The following SLC12A2 variants were observed in gnomAD, a reference collection of about 807,000 sequenced individuals.
The protein encoded by SLC12A2 is solute carrier family 12 member 2, also known as Na-K-2Cl cotransporter 1.
SLC12A2 carries 67 observed loss-of-function variants against 136.3 expected under a neutral mutation model. The ratio of observed to expected loss-of-function variants is 0.49; its 90% CI spans 0.40 to 0.60. The LOEUF (loss-of-function observed/expected upper bound fraction) is 0.60, where lower values mean the gene tolerates loss of function less well. Among genes scored for constraint, SLC12A2 ranks in the 20% least tolerant of loss-of-function variants. SLC12A2 has a pLI of 0.00. For missense variants in SLC12A2, 1,322 were observed against 1,534.7 expected, an observed-to-expected ratio of 0.86 and a Z score of 2.32; for synonymous variants, 619 against 562.9, an observed-to-expected ratio of 1.10 and a Z score of -1.41.
chr5:128,097,894 GT>G (rs948391685), intron 1 of SLC12A2, among the ~76,000 whole-genome samples: 1 of 151,344 alleles, frequency 6.6e-6, no homozygotes, highest in African/African-American at 2.4e-5. Flanking sequence ...AGTTCTCTTA[GT>G]TTTTTTTTAT....
Position 128,171,671 on chromosome 5 carries a change from G to A in SLC12A2, c.2728G>A (p.Ala910Thr), listed in dbSNP as rs1218482398. The A allele has an allele frequency of 1.9e-6, 3 of 1,561,154 alleles. No homozygotes were observed. The highest frequency in any genetic ancestry group is 2.6e-6 in the Non-Finnish European group (3 of 1,159,186). ...VDMYINLFHD[A>T]FDIQYGVVVI... ...TTTTTGTTTTTTTGTTCTTAGTGAT[G>A]CTTTTGACATACAATATGGAGTAGT... Residue 910 changes from alanine (A) to threonine (T), a missense_variant, in exon 19 of 27, where the codon GCT becomes ACT. Physicochemically the swap from Ala to Thr is moderately conservative, Grantham distance 58. Coordinates refer to ENST00000262461, the MANE Select transcript of SLC12A2 (RefSeq NM_001046.3).
At position 128,084,514 on chromosome 5, in the gene SLC12A2, C is replaced by T; in HGVS notation, c.560C>T (p.Ser187Phe). 5 of 1,607,642 alleles carry T rather than the reference C, an allele frequency of 3.1e-6. No individual in the cohort carries two copies. Among genetic ancestry groups the T allele is most frequent in the Non-Finnish European group, 4.2e-6 (5 of 1,178,034 alleles). Residue 187 changes from serine to phenylalanine, a missense_variant, in exon 1 of 27, where the codon TCC becomes TTC. Coordinates refer to ENST00000262461, the MANE Select transcript of SLC12A2 (RefSeq NM_001046.3). This position sits in a 1 kb window ranked among gnomAD's most constrained non-coding sequence, Gnocchi z 5.6. Reference sequence around the variant, plus strand: ...CTGAGCGAGGGCAGCAGCCTGCACTCCGGCGGCGGCGGCGGCAGTGGGCAC... The same window carrying T: ...CTGAGCGAGGGCAGCAGCCTGCACTTCGGCGGCGGCGGCGGCAGTGGGCAC... ...TVLSEGSSLH[S>F]GGGGGSGHHQ...
intron 1 of SLC12A2, among the ~76,000 whole-genome samples, chr5:128,093,903 CTCT>C (rs1488407347): frequency 2.0e-5 from 3 of 152,078 alleles, no homozygotes; most frequent in Admixed American, 2.0e-4. Context: ...TCTGGTTTGC[CTCT>C]TCTTCAGTGT....
intron 13 of SLC12A2, among the ~76,000 whole-genome samples, chr5:128,150,698 AT>A (rs1382619689): frequency 6.6e-6 from 1 of 151,790 alleles, no homozygotes; most frequent in Non-Finnish European, 1.5e-5. Flanking sequence ...GGTCTTCAAC[AT>A]TTTTTAAAGT....
chr5:128,128,191 T>C (rs1441476492), intron 4 of SLC12A2, among the ~76,000 whole-genome samples: 1 of 152,170 alleles, frequency 6.6e-6, no homozygotes, highest in East Asian at 1.9e-4. Context: ...GTTTTTGAAA[T>C]TGAGACACAC....
rs199544192 is a variant in SLC12A2 at position 128,132,635 on chromosome 5, G to GT, written c.1188+1431dup. On this transcript the variant is annotated intron_variant, in intron 5 of 26. Transcript: ENST00000262461. ...TCAAGTGACACCTATAATTGCTCAT[G>GT]TTAGGTTAGGTTGTAACTATTCTAC... Among the ~76,000 whole-genome samples the GT allele has an allele frequency of 7.9e-3, 1,202 of 152,244 alleles. 12 individuals are homozygous for GT. The highest frequency in any genetic ancestry group is 0.031 in the Admixed American group (479 of 15,294).
In SLC12A2 at chr5:128,084,427, A is replaced by G; in HGVS notation, c.473A>G (p.Asp158Gly). The change falls in exon 1 of 27, where the codon GAT (aspartate) becomes GGT (glycine). Residue 158 changes from aspartate (D) to glycine (G), a missense_variant. Physicochemically the swap from Asp to Gly is moderately conservative, Grantham distance 94. Around this residue, in one of 8 missense-constraint regions of SLC12A2, gnomAD observed 358 missense variants for 299.7 expected, o/e 1.19. Coordinates refer to ENST00000262461, the MANE Select transcript of SLC12A2 (RefSeq NM_001046.3). This position sits in a 1 kb window ranked among gnomAD's most constrained non-coding sequence, Gnocchi z 5.6. The stretch of plus-strand genomic sequence containing the variant: ...TCGTCGGCTGAAGACAGCCTGTCAG[A>G]TGCTGCCGGGGTCGGAGTCGACGGG... ...ASSSAEDSLS[D>G]AAGVGVDGPN... 8.7e-6 allele frequency: 14 copies of G among 1,612,346 alleles called. No individual in the cohort carries two copies. Among genetic ancestry groups the G allele is most frequent in the Non-Finnish European group, 1.2e-5 (14 of 1,179,396 alleles).
intron 21 of SLC12A2, among the ~76,000 whole-genome samples, chr5:128,177,967 G>A (rs1763585318): frequency 2.0e-5 from 3 of 152,138 alleles, no homozygotes; most frequent in African/African-American, 2.4e-5. Context: ...AGAGAAAGAT[G>A]TGGTTATATG....
chr5:128,101,597 C>A (rs1018312338), intron 1 of SLC12A2, among the ~76,000 whole-genome samples: 5 of 152,108 alleles, frequency 3.3e-5, no homozygotes, highest in African/African-American at 4.8e-5. Context: ...AAATAAAGAT[C>A]CCCACTCTGC....
At chr5:128,157,754 T>G (rs1413473439) in intron 15 of SLC12A2, among the ~76,000 whole-genome samples, 2 of 152,078 alleles carry the variant, frequency 1.3e-5, no homozygotes, top group East Asian at 3.8e-4. Context: ...AAATGAAAAA[T>G]TGTTATATAT....
intron 15 of SLC12A2, among the ~76,000 whole-genome samples, chr5:128,153,421 G>A (rs1400980284): frequency 6.6e-6 from 1 of 152,170 alleles, no homozygotes; most frequent in Admixed American, 6.5e-5. Context: ...CAGGCGTAGT[G>A]GCGCATGCCT....
intron 1 of SLC12A2, among the ~76,000 whole-genome samples, chr5:128,101,292 C>T (rs1236484667): frequency 6.6e-6 from 1 of 152,018 alleles, no homozygotes; most frequent in East Asian, 1.9e-4. Context: ...ACTTTGGGGT[C>T]AAAATTTGCA....
At chr5:128,110,424 C>T (rs1292243916) in intron 1 of SLC12A2, 17 of 1,102,784 alleles carry the variant, frequency 1.5e-5, no homozygotes, top group East Asian at 7.1e-5. Flanking sequence ...GCAAGACAGC[C>T]GCAAAGGAGA....
At chr5:128,151,187 T>C (rs1383367447) in intron 13 of SLC12A2, 54 bp from the exon 14 acceptor site, 1 of 1,486,976 alleles carries the variant, frequency 6.7e-7, no homozygotes, top group Non-Finnish European at 9.1e-7. Context: ...ATATGTACCA[T>C]TGTGTAAAGC....
intron 1 of SLC12A2, among the ~76,000 whole-genome samples, chr5:128,106,121 G>A (rs559242379): frequency 4.7e-4 from 72 of 152,132 alleles, no homozygotes; most frequent in African/African-American, 1.7e-3. Context: ...CTTTTTGAAA[G>A]ATTATTTTCT....
chr5:128,120,231 A>G (rs2126680050), intron 4 of SLC12A2, among the ~76,000 whole-genome samples: 2 of 151,252 alleles, frequency 1.3e-5, no homozygotes, highest in East Asian at 3.9e-4. Context: ...GAGGATGTGG[A>G]GAAATAGGAA....
rs746740726 is a variant in SLC12A2 at position 128,151,249 on chromosome 5, C to G, written c.2116C>G (p.Pro706Ala). The G allele has an allele frequency of 5.6e-6, 9 of 1,603,980 alleles. No homozygotes were observed. The highest frequency in any genetic ancestry group is 6.8e-6 in the Non-Finnish European group (8 of 1,176,348). Residue 706 changes from proline (P) to alanine (A), a missense_variant, in exon 14 of 27, where the codon CCT becomes GCT. Around this residue, in one of 8 missense-constraint regions of SLC12A2, gnomAD observed 294 missense variants for 436.6 expected, o/e 0.67. Transcript: ENST00000262461. ...TTATTTGTTATTGTTAGGATGGCGT[C>G]CTGCATTCAAATACTACAACATGTG... ...ASLAKSPGWR[P>A]AFKYYNMWIS...
intron 1 of SLC12A2, among the ~76,000 whole-genome samples, chr5:128,089,124 C>T (rs1395764390): frequency 8.1e-5 from 12 of 147,654 alleles, no homozygotes; most frequent in Non-Finnish European, 1.0e-4. Context: ...GCCAAGATTG[C>T]GCCATTGCAC....
chr5:128,133,764 A>G (rs1035353478), intron 5 of SLC12A2, among the ~76,000 whole-genome samples: 1 of 152,082 alleles, frequency 6.6e-6, no homozygotes, highest in Non-Finnish European at 1.5e-5. Flanking sequence ...TGTGCTTATC[A>G]CTTACTCTCT....
Sources: gnomAD v4.1 joint callset for allele counts (sites outside exome capture counted in the v4.1 genomes callset) on GRCh38, gnomAD v4.1.1 for gene constraint, gnomAD v4.1.1 regional missense constraint, Gnocchi (gnomAD v3.1) non-coding constraint, MANE v1.5 for transcripts, NCBI Gene and HGNC (gene_info 2026-07-23, HGNC 2026-07-21) for gene names.